Variants in MAGI1 observed in about 807,000 individuals in gnomAD.
MAGI1 encodes the protein membrane associated guanylate kinase, WW and PDZ domain containing 1.
Under a neutral mutation model 139.9 loss-of-function variants are expected in MAGI1, and 58 were observed. That is an observed-to-expected ratio of 0.41 (90% CI 0.34 to 0.52). The LOEUF is 0.52. Ranked by LOEUF, MAGI1 falls within the 20% of genes least tolerant of loss-of-function variation. The pLI, the probability that MAGI1 is intolerant of heterozygous loss-of-function variation, is 0.12. For missense variants in MAGI1, 1,874 were observed against 1,901.6 expected, an observed-to-expected ratio of 0.99 and a Z score of 0.27; for synonymous variants, 812 against 737.9, an observed-to-expected ratio of 1.10 and a Z score of -1.63.
chr3:65,650,591 T>G (rs189601022), intron 1 of MAGI1, among the ~76,000 whole-genome samples: 1 of 152,324 alleles, frequency 6.6e-6, no homozygotes, highest in Non-Finnish European at 1.5e-5. Context: ...ATCCCTGTGT[T>G]AACACCTTGA....
chr3:65,612,739 A>C (rs1437618959), intron 2 of MAGI1, among the ~76,000 whole-genome samples: 3 of 152,182 alleles, frequency 2.0e-5, no homozygotes, highest in Non-Finnish European at 2.9e-5. Context: ...CATTTGATAC[A>C]AGGAAATTTT....
intron 10 of MAGI1, 22 bp downstream of exon 10, chr3:65,437,133 A>AG: frequency 6.5e-7 from 1 of 1,527,310 alleles, no homozygotes; most frequent in Non-Finnish European, 9.0e-7. Context: ...CCATGACACA[A>AG]TTAGAAAGAC....
chr3:65,533,982 G>A (rs994804686), intron 2 of MAGI1, among the ~76,000 whole-genome samples: 1 of 152,084 alleles, frequency 6.6e-6, no homozygotes, highest in African/African-American at 2.4e-5. Flanking sequence ...GGATTCTCTG[G>A]CCATACTCAA....
At chr3:65,377,996 T>G (rs546771047) in intron 17 of MAGI1, among the ~76,000 whole-genome samples, 2 of 152,284 alleles carry the variant, frequency 1.3e-5, no homozygotes, top group Non-Finnish European at 1.5e-5. Context: ...GATAAGTCAT[T>G]CAGGGATAGA....
rs1482572970 is a variant in MAGI1 at position 65,354,647 on chromosome 3, C to T, written c.*1731G>A. 6.6e-6 allele frequency: 1 copy of T among 152,624 alleles called. No individual in the cohort carries two copies. Among genetic ancestry groups the T allele is most frequent in the African/African-American group, 2.4e-5 (1 of 41,452 alleles). The allele number at this position is 152,624 out of a possible 1,614,324, so 9.5% of individuals were successfully genotyped here. ...AGCTTTAGAGAATTACTTATATAGTCTCCCATTTTAAAACAACTTTACATA... is the reference window on the plus strand; with the variant it reads ...AGCTTTAGAGAATTACTTATATAGTTTCCCATTTTAAAACAACTTTACATA... On this transcript the variant is annotated 3_prime_UTR_variant, in exon 23 of 23. Transcript: ENST00000402939.
At chr3:65,788,242 C>T (rs1273084136) in intron 1 of MAGI1, among the ~76,000 whole-genome samples, 1 of 152,204 alleles carries the variant, frequency 6.6e-6, no homozygotes, top group Non-Finnish European at 1.5e-5. Context: ...TTTTCAAATG[C>T]AGTTTGTCCT....
chr3:65,711,900 T>C (rs1419370314), intron 1 of MAGI1, among the ~76,000 whole-genome samples: 1 of 152,208 alleles, frequency 6.6e-6, no homozygotes, highest in Non-Finnish European at 1.5e-5. Flanking sequence ...GGCAAATTAA[T>C]ACAATCCCCA....
Position 65,754,290 on chromosome 3 carries a change from T to C in MAGI1, c.314-132202A>G, listed in dbSNP as rs148924652. 3.3e-4 allele frequency among the ~76,000 whole-genome samples: 51 copies of C among 152,276 alleles called. 1 individual carries two copies. The highest frequency in any genetic ancestry group is 3.4e-3 in the Middle Eastern group (1 of 294). On this transcript the variant is annotated intron_variant, in intron 1 of 22. Coordinates refer to ENST00000402939, the MANE Select transcript of MAGI1 (RefSeq NM_001033057.2). ...AAAACAATGGCACATTTACGATTAA[T>C]TTCCATCCTCATTCAAGTGATGTAG...
At chr3:66,021,442 A>G (rs1483195803) in intron 1 of MAGI1, among the ~76,000 whole-genome samples, 1 of 152,206 alleles carries the variant, frequency 6.6e-6, no homozygotes, top group African/African-American at 2.4e-5. Flanking sequence ...TTTGCCCCCT[A>G]GAAGAACTTG....
chr3:65,769,973 T>A (rs911736459), intron 1 of MAGI1, among the ~76,000 whole-genome samples: 1 of 152,184 alleles, frequency 6.6e-6, no homozygotes. Context: ...TGGGCAAAGA[T>A]GTTCACTTTC....
intron 1 of MAGI1, among the ~76,000 whole-genome samples, chr3:65,910,641 T>C (rs919320978): frequency 3.3e-5 from 5 of 152,084 alleles, no homozygotes; most frequent in African/African-American, 1.2e-4. Context: ...AAAGAACTAC[T>C]TACTTAAAAC....
chr3:65,846,075 G>A (rs1291441052), intron 1 of MAGI1, among the ~76,000 whole-genome samples: 3 of 152,174 alleles, frequency 2.0e-5, no homozygotes, highest in Admixed American at 6.5e-5. Flanking sequence ...CACTTCATTT[G>A]CCAAGGTCAG....
intron 2 of MAGI1, among the ~76,000 whole-genome samples, chr3:65,606,631 C>T (rs559296811): frequency 6.6e-6 from 1 of 152,326 alleles, no homozygotes; most frequent in African/African-American, 2.4e-5. Context: ...GACTCTCCTG[C>T]TTAGGCCTCC....
chr3:65,529,243 A>C (rs1270268014), intron 2 of MAGI1, among the ~76,000 whole-genome samples: 1 of 152,172 alleles, frequency 6.6e-6, no homozygotes, highest in African/African-American at 2.4e-5. Flanking sequence ...TCATTTGAGC[A>C]ATTTTAAATT....
intron 1 of MAGI1, among the ~76,000 whole-genome samples, chr3:65,877,532 T>C (rs1223167620): frequency 1.3e-5 from 2 of 152,194 alleles, no homozygotes; most frequent in Non-Finnish European, 1.5e-5. Context: ...AGCATGCCTC[T>C]AAGACACTTG....
chr3:65,805,371 A>G (rs1296755110), intron 1 of MAGI1, among the ~76,000 whole-genome samples: 3 of 152,268 alleles, frequency 2.0e-5, no homozygotes, highest in African/African-American at 4.8e-5. Flanking sequence ...AGAAATGCAA[A>G]TCAAAACCAC....
intron 1 of MAGI1, among the ~76,000 whole-genome samples, chr3:65,986,448 G>C (rs1279819046): frequency 6.6e-6 from 1 of 152,200 alleles, no homozygotes; most frequent in Non-Finnish European, 1.5e-5. Flanking sequence ...ATTAACAGAA[G>C]TATGTAATTA....
At chr3:65,817,433 A>G (rs779921576) in intron 1 of MAGI1, among the ~76,000 whole-genome samples, 12 of 152,298 alleles carry the variant, frequency 7.9e-5, no homozygotes, top group Admixed American at 5.9e-4. Flanking sequence ...ATGGCTCTAC[A>G]TTTGCCTTTA....
chr3:65,499,905 G>A (rs1029117769), intron 2 of MAGI1, among the ~76,000 whole-genome samples: 25 of 152,202 alleles, frequency 1.6e-4, no homozygotes, highest in Admixed American at 1.5e-3. Flanking sequence ...TGCTCCAAAT[G>A]GTATCAATAG....
Sources: allele counts gnomAD v4.1 joint callset (sites outside exome capture counted in the v4.1 genomes callset), GRCh38; gene constraint gnomAD v4.1.1; transcripts MANE v1.5; gene names NCBI Gene and HGNC (gene_info 2026-07-23, HGNC 2026-07-21).